The following MTREX variants were observed in gnomAD, a reference collection of about 807,000 sequenced individuals.
MTREX encodes exosome RNA helicase MTR4.
Under a neutral mutation model 135.4 loss-of-function variants are expected in MTREX, and 76 were observed. The observed-to-expected ratio is 0.56, with a 90% CI of 0.47 to 0.68. The LOEUF is 0.68. Among genes scored for constraint, MTREX ranks in the 30% least tolerant of loss-of-function variants. MTREX has a pLI of 0.00. For synonymous variants in MTREX, 404 were observed against 401.6 expected (o/e 1.01, Z -0.07); for missense variants, 920 against 1,262.1 (o/e 0.73, Z 4.11).
intron 16 of MTREX, among the ~76,000 whole-genome samples, chr5:55,373,172 G>T (rs547213455): frequency 7.5e-4 from 74 of 98,904 alleles, no homozygotes; most frequent in African/African-American, 1.8e-3. Flanking sequence ...AATTTTTTTT[G>T]ACTTACTTTG....
intron 11 of MTREX, among the ~76,000 whole-genome samples, chr5:55,348,940 A>G (rs1256078847): frequency 1.3e-5 from 2 of 152,346 alleles, no homozygotes; most frequent in East Asian, 3.9e-4. Context: ...GTTTCACTTT[A>G]CTTAGTAGTA....
chr5:55,424,901 T>G lies in MTREX; in HGVS notation c.*129T>G. ...ATATGTATTATATTTAAATCAAACA[T>G]CATTCATAGAAAGCATATTACATAC... On this transcript the variant is annotated 3_prime_UTR_variant, in exon 27 of 27. Transcript: ENST00000230640. 1 of 681,906 alleles carries G rather than the reference T, an allele frequency of 1.5e-6. No homozygotes were observed. The highest frequency in any genetic ancestry group is 2.0e-5 in the South Asian group (1 of 50,400). 42.2% of individuals were successfully genotyped at this position (681,906 alleles called of 1,614,324 possible).
intron 7 of MTREX, among the ~76,000 whole-genome samples, chr5:55,342,334 G>T (rs12697139): frequency 0.14 from 20,675 of 152,220 alleles, 1,727 homozygotes; most frequent in East Asian, 0.26. Context: ...GAAATTAAAA[G>T]ATGGCGTGCT....
chr5:55,334,314 TTTATG>T (rs1315477553), intron 5 of MTREX, among the ~76,000 whole-genome samples: 1 of 152,040 alleles, frequency 6.6e-6, no homozygotes, highest in African/African-American at 2.4e-5. Context: ...AATGGTTAAT[TTTATG>T]TTATGTGAAT....
chr5:55,323,110 T>A (rs2112032445), intron 2 of MTREX, among the ~76,000 whole-genome samples: 1 of 152,278 alleles, frequency 6.6e-6, no homozygotes, highest in South Asian at 2.1e-4. Context: ...CCAGTTAACT[T>A]TTGTTACAGT....
At chr5:55,376,962 T>G (rs780917816) in intron 16 of MTREX, among the ~76,000 whole-genome samples, 7 of 151,902 alleles carry the variant, frequency 4.6e-5, no homozygotes, top group Middle Eastern at 6.8e-3. Flanking sequence ...TCTCAGCTAC[T>G]CAGGAGGCTG....
At chr5:55,403,768 CTA>C (rs2111598660) in intron 21 of MTREX, among the ~76,000 whole-genome samples, 1 of 152,310 alleles carries the variant, frequency 6.6e-6, no homozygotes, top group South Asian at 2.1e-4. Context: ...GGCATTGTGA[CTA>C]CACATCTGTT....
chr5:55,419,529 GTTTT>G (rs962528973), intron 25 of MTREX, among the ~76,000 whole-genome samples: 117 of 152,146 alleles, frequency 7.7e-4, no homozygotes, highest in Non-Finnish European at 1.5e-5. Flanking sequence ...GAATTTAGCT[GTTTT>G]TTATTTCCAT....
Position 55,310,772 on chromosome 5 carries a change from A to T in MTREX, c.134+2625A>T, listed in dbSNP as rs569106161. On this transcript the variant is annotated intron_variant, in intron 1 of 26. Coordinates refer to ENST00000230640, the MANE Select transcript of MTREX (RefSeq NM_015360.5). ...ATTCTAGATCAAGTGGATGCTTTTT[A>T]AAAAAATAGTTTCTTTACCTTTTAG... Among the ~76,000 whole-genome samples the T allele has an allele frequency of 1.2e-4, 19 of 152,188 alleles. 1 individual carries two copies. The South Asian group carries it at 3.5e-3, about 28-fold the overall frequency.
intron 21 of MTREX, among the ~76,000 whole-genome samples, chr5:55,402,852 A>ATGTGTGTGTGTGTGTGTG (rs767239762): frequency 8.7e-6 from 1 of 114,490 alleles, no homozygotes; most frequent in Admixed American, 9.5e-5. Context: ...ATGTGTATGT[A>ATGTGTGTGTGTGTGTGTG]TGTGTGTGTG....
At chr5:55,412,811 C>G (rs1750903994) in intron 23 of MTREX, among the ~76,000 whole-genome samples, 2 of 152,148 alleles carry the variant, frequency 1.3e-5, no homozygotes, top group Non-Finnish European at 2.9e-5. Flanking sequence ...GACATAATAT[C>G]AAAGACATTT....
intron 16 of MTREX, among the ~76,000 whole-genome samples, chr5:55,377,313 C>T (rs762803967): frequency 2.6e-5 from 4 of 151,804 alleles, no homozygotes; most frequent in Admixed American, 6.6e-5. Flanking sequence ...GGCGACAGAG[C>T]GAGACTCCGT....
intron 19 of MTREX, among the ~76,000 whole-genome samples, chr5:55,388,873 G>A (rs1750521960): frequency 6.6e-6 from 1 of 152,072 alleles, no homozygotes; most frequent in East Asian, 1.9e-4. Context: ...TATTGGATAG[G>A]TCTTTTACAA....
At chr5:55,418,676 A>C (rs1305982361) in intron 25 of MTREX, among the ~76,000 whole-genome samples, 1 of 152,060 alleles carries the variant, frequency 6.6e-6, no homozygotes, top group Non-Finnish European at 1.5e-5. Context: ...CTTTCTAAAA[A>C]TTGGGATATA....
intron 1 of MTREX, among the ~76,000 whole-genome samples, chr5:55,310,609 A>T (rs1025790540): frequency 6.7e-6 from 1 of 149,988 alleles, no homozygotes; most frequent in African/African-American, 2.4e-5. Flanking sequence ...CTCCATCTCA[A>T]AAAAAAAAAG....
At chr5:55,325,809 GTTC>G (rs1219422155) in intron 3 of MTREX, among the ~76,000 whole-genome samples, 1 of 152,024 alleles carries the variant, frequency 6.6e-6, no homozygotes, top group Non-Finnish European at 1.5e-5. Context: ...AGTGTCTGTT[GTTC>G]TTATCTTTAT....
intron 19 of MTREX, among the ~76,000 whole-genome samples, chr5:55,394,011 C>A (rs932970024): frequency 6.6e-6 from 1 of 152,064 alleles, no homozygotes; most frequent in African/African-American, 2.4e-5. Context: ...TTGACCATTT[C>A]TTGGATGGAG....
chr5:55,413,936 C>T (rs1013280727), intron 23 of MTREX, among the ~76,000 whole-genome samples: 1 of 152,176 alleles, frequency 6.6e-6, no homozygotes, highest in African/African-American at 2.4e-5. Context: ...AGTTAGCACA[C>T]TTTGCAAATT....
Position 55,425,507 on chromosome 5 carries a change from ATTAAGAGTTGCT to A in MTREX, c.*738_*749del. On this transcript the variant is annotated 3_prime_UTR_variant, in exon 27 of 27. Coordinates refer to ENST00000230640, the MANE Select transcript of MTREX (RefSeq NM_015360.5). ...TGGGATTTTTTAAAGATTATTCCAAATTAAGAGTTGCTTTGTTATGCCTTCAGCAAATAGCTT... is the reference window on the plus strand; with the variant it reads ...TGGGATTTTTTAAAGATTATTCCAAATTGTTATGCCTTCAGCAAATAGCTT... The A allele has an allele frequency of 1.7e-6, 1 of 595,726 alleles. No individual in the cohort carries two copies. The highest frequency in any genetic ancestry group is 3.5e-5 in the South Asian group (1 of 28,896). The allele number at this position is 595,726 out of a possible 1,614,324, so 36.9% of individuals were successfully genotyped here. A position where few individuals can be genotyped will look rare whatever the true frequency, so the allele number is the denominator to read the frequency against.
Sources: gnomAD v4.1 joint callset for allele counts (sites outside exome capture counted in the v4.1 genomes callset) on GRCh38, gnomAD v4.1.1 for gene constraint, MANE v1.5 for transcripts, NCBI Gene and HGNC (gene_info 2026-07-23, HGNC 2026-07-21) for gene names.